ACOT1: variants seen among roughly 807,000 people sequenced by gnomAD.
ACOT1 encodes acyl-coenzyme A thioesterase 1.
ACOT1 carries 8 observed loss-of-function variants against 15.7 expected under a neutral mutation model. That is an observed-to-expected ratio of 0.51 (90% CI 0.30 to 0.92). The LOEUF (loss-of-function observed/expected upper bound fraction) is 0.92. Ranked by LOEUF, ACOT1 falls within the 40% of genes least tolerant of loss-of-function variation. The probability of loss-of-function intolerance (pLI) is 0.06; values close to 1 mark genes in which losing one functional copy is unlikely to be tolerated. For synonymous variants in ACOT1, 67 were observed against 241.2 expected, an observed-to-expected ratio of 0.28 and a Z score of 6.69; for missense variants, 151 against 539.4, an observed-to-expected ratio of 0.28 and a Z score of 7.13.
chr14:73,513,240 C>A, the ACOT1 span, among the ~76,000 whole-genome samples: 3,038 of 152,020 alleles, frequency 0.02, 113 homozygotes, highest in African/African-American at 0.07. Flanking sequence ...GGGGAGATCA[C>A]CTGAAGTCAG....
the ACOT1 span, chr14:73,492,498 T>C: frequency 6.2e-7 from 1 of 1,613,712 alleles, no homozygotes. This position sits in a 1 kb window ranked among gnomAD's most constrained non-coding sequence, Gnocchi z 4.9. Context: ...TTTGCTCCTG[T>C]TGATGCTGTG....
chr14:73,510,260 A>G, the ACOT1 span, among the ~76,000 whole-genome samples: 1 of 152,084 alleles, frequency 6.6e-6, no homozygotes, highest in Non-Finnish European at 1.5e-5. Flanking sequence ...TGAATTAGGC[A>G]AGGTAGGTAT....
At chr14:73,520,949 GGA>G in the ACOT1 span, 1 of 1,613,972 alleles carries the variant, frequency 6.2e-7, no homozygotes, top group Non-Finnish European at 8.5e-7. Context: ...TTTGGGGCTG[GGA>G]GAGGCTCGTC....
chr14:73,522,404 A>C, the ACOT1 span: 36 of 1,614,106 alleles, frequency 2.2e-5, no homozygotes, highest in Non-Finnish European at 5.1e-6. Context: ...GGCAGAGGTA[A>C]GCTCATCCCG....
At chr14:73,508,799 T>A in the ACOT1 span, among the ~76,000 whole-genome samples, 7 of 148,506 alleles carry the variant, frequency 4.7e-5, no homozygotes, top group East Asian at 1.4e-3. Context: ...TACCACTTGG[T>A]GGCAGTGTAC....
the ACOT1 span, among the ~76,000 whole-genome samples, chr14:73,517,810 T>C: frequency 1.3e-5 from 2 of 151,526 alleles, no homozygotes; most frequent in Admixed American, 1.3e-4. Context: ...AAAAAGAGGC[T>C]GGACACGGTG....
chr14:73,522,075 A>C, the ACOT1 span, among the ~76,000 whole-genome samples: 1 of 152,180 alleles, frequency 6.6e-6, no homozygotes, highest in Non-Finnish European at 1.5e-5. Flanking sequence ...CCACAACAAA[A>C]ATTATCCAAC....
At chr14:73,514,884 C>T in the ACOT1 span, among the ~76,000 whole-genome samples, 7 of 151,950 alleles carry the variant, frequency 4.6e-5, no homozygotes, top group East Asian at 1.9e-4. Flanking sequence ...CTGGCTAACA[C>T]GGTGAAAACC....
the ACOT1 span, among the ~76,000 whole-genome samples, chr14:73,501,008 T>G: frequency 6.6e-6 from 1 of 152,256 alleles, no homozygotes; most frequent in Non-Finnish European, 1.5e-5. Flanking sequence ...CTTTTCACAG[T>G]CAAGTTCTCT....
At chr14:73,541,141 A>T (rs890373788) in intron 1 of ACOT1, among the ~76,000 whole-genome samples, 1 of 112,982 alleles carries the variant, frequency 8.9e-6, no homozygotes, top group Non-Finnish European at 1.9e-5. Flanking sequence ...TAGCCTTTTG[A>T]GTCTGTCTCC....
the ACOT1 span, chr14:73,493,219 AGTGTACT>A: frequency 4.0e-6 from 4 of 1,002,824 alleles, no homozygotes; most frequent in South Asian, 5.3e-5. Context: ...TTCAGGCTTC[AGTGTACT>A]GGGTAACACT....
chr14:73,509,403 G>C, the ACOT1 span: 1 of 1,614,052 alleles, frequency 6.2e-7, no homozygotes, highest in Non-Finnish European at 8.5e-7. Context: ...TCCGCACATG[G>C]GCATTCTTGT....
the ACOT1 span, chr14:73,496,765 G>C: frequency 1.3e-6 from 1 of 757,830 alleles, no homozygotes; most frequent in Non-Finnish European, 2.3e-6. Context: ...TTGGAATCAG[G>C]TAAGAATCCC....
chr14:73,533,582 G>C (rs574508995), upstream of ACOT1, among the ~76,000 whole-genome samples: 36 of 114,366 alleles, frequency 3.1e-4, 9 homozygotes, highest in African/African-American at 1.0e-3. Context: ...GGGAGGCTGA[G>C]GCAGGAGAAT....
At chr14:73,518,967 G>C in the ACOT1 span, 1 of 1,549,818 alleles carries the variant, frequency 6.5e-7, no homozygotes, top group Non-Finnish European at 8.8e-7. Flanking sequence ...GTAATGATGG[G>C]AAGTAGCCAC....
the ACOT1 span, chr14:73,508,288 C>T: frequency 4.3e-6 from 7 of 1,613,542 alleles, no homozygotes; most frequent in Non-Finnish European, 5.9e-6. Flanking sequence ...GCTATCCACA[C>T]TGTTACCTGC....
the ACOT1 span, among the ~76,000 whole-genome samples, chr14:73,507,788 G>A: frequency 6.6e-6 from 1 of 152,000 alleles, no homozygotes; most frequent in African/African-American, 2.4e-5. Flanking sequence ...TGTCACCTAG[G>A]CTGGAGTGTA....
the ACOT1 span, chr14:73,502,902 T>A: frequency 1.2e-6 from 2 of 1,611,772 alleles, no homozygotes; most frequent in Non-Finnish European, 1.7e-6. Context: ...TACCTGATTA[T>A]GTCGTGCACC....
the ACOT1 span, among the ~76,000 whole-genome samples, chr14:73,499,514 G>T: frequency 2.0e-5 from 3 of 151,928 alleles, no homozygotes; most frequent in South Asian, 4.2e-4. Flanking sequence ...GCAAAAGAAT[G>T]AATCAGAAAC....
Sources: gnomAD v4.1 joint callset for allele counts (sites outside exome capture counted in the v4.1 genomes callset) on GRCh38, gnomAD v4.1.1 for gene constraint, Gnocchi (gnomAD v3.1) non-coding constraint, MANE v1.5 for transcripts, NCBI Gene and HGNC (gene_info 2026-07-23, HGNC 2026-07-21) for gene names.